Variants in PLD1 observed in about 807,000 individuals in gnomAD.
The protein encoded by PLD1 is phospholipase D1, also known as choline phosphatase 1.
A neutral mutation model predicts 137.1 loss-of-function variants in PLD1; 112 were observed. That is an observed-to-expected ratio of 0.82 (90% CI 0.70 to 0.96). The LOEUF (loss-of-function observed/expected upper bound fraction) is 0.96. Among genes scored for constraint, PLD1 ranks in the 40% least tolerant of loss-of-function variants. PLD1 has a pLI of 0.00. For synonymous variants in PLD1, 431 were observed against 454.7 expected, an observed-to-expected ratio of 0.95 and a Z score of 0.66; for missense variants, 1,321 against 1,342.0, an observed-to-expected ratio of 0.98 and a Z score of 0.24.
Position 171,659,321 on chromosome 3 carries a change from C to T in PLD1, c.2341-20G>A. 1 of 1,480,164 alleles carries T rather than the reference C, an allele frequency of 6.8e-7. No homozygotes were observed. The highest frequency in any genetic ancestry group is 9.5e-7 in the Non-Finnish European group (1 of 1,057,906). 91.7% of individuals were successfully genotyped at this position (1,480,164 alleles called of 1,614,324 possible). ...CTGGTTCTATGAGAAATAAACAAGA[C>T]AATCATGTTAGTCTTTATTTTCTTA... On this transcript the variant is annotated intron_variant, in intron 20 of 26. Transcript: ENST00000351298.
intron 18 of PLD1, among the ~76,000 whole-genome samples, chr3:171,675,875 C>T (rs1434236718): frequency 4.0e-5 from 6 of 149,404 alleles, no homozygotes; most frequent in African/African-American, 1.2e-4. Flanking sequence ...CAGAGTCTCG[C>T]TCTGTTGCCT....
At chr3:171,733,560 A>T (rs904144198) in intron 5 of PLD1, 51 bp from the exon 6 acceptor site, 5 of 735,526 alleles carry the variant, frequency 6.8e-6, no homozygotes, top group African/African-American at 3.6e-5. Flanking sequence ...ATTTATTTTT[A>T]AAAATTAAAC....
chr3:171,798,194 G>A (rs1416030730), intron 1 of PLD1, among the ~76,000 whole-genome samples: 2 of 152,178 alleles, frequency 1.3e-5, no homozygotes, highest in Non-Finnish European at 2.9e-5. Context: ...AGAACTAAAT[G>A]ATAAGGGAGT....
At chr3:171,658,111 C>T (rs1737365156) in intron 21 of PLD1, among the ~76,000 whole-genome samples, 1 of 151,862 alleles carries the variant, frequency 6.6e-6, no homozygotes, top group South Asian at 2.1e-4. Flanking sequence ...CAATGAAATA[C>T]CATTTCTTAA....
intron 24 of PLD1, among the ~76,000 whole-genome samples, chr3:171,617,493 G>A (rs190319028): frequency 6.6e-6 from 1 of 151,904 alleles, no homozygotes; most frequent in Non-Finnish European, 1.5e-5. Flanking sequence ...TTTTACTCAC[G>A]TTTCGCATCT....
chr3:171,801,927 A>T (rs1723665931), intron 1 of PLD1, among the ~76,000 whole-genome samples: 1 of 152,234 alleles, frequency 6.6e-6, no homozygotes, highest in African/African-American at 2.4e-5. Flanking sequence ...CAACTGAAAC[A>T]AGTTTTTGCA....
Position 171,696,956 on chromosome 3 carries a change from G to A in PLD1, c.1227+2789C>T, listed in dbSNP as rs1715751550. Among the ~76,000 whole-genome samples the A allele has an allele frequency of 2.6e-5, 4 of 152,154 alleles. No homozygotes were observed. In the South Asian group the frequency reaches 6.2e-4, roughly 24 times the overall value. On this transcript the variant is annotated intron_variant, in intron 12 of 26. Transcript: ENST00000351298. ...GGCCATGGTGTTCACGAGGGACCTC[G>A]CCAGGGTTCAAGGGCCAAAAAAGTA...
intron 1 of PLD1, among the ~76,000 whole-genome samples, chr3:171,755,101 A>G (rs1304466355): frequency 1.3e-5 from 2 of 152,146 alleles, no homozygotes; most frequent in African/African-American, 4.8e-5. Flanking sequence ...CCTGGGCCAC[A>G]CGAACTATCT....
chr3:171,695,381 A>G (rs2108529789), intron 12 of PLD1, among the ~76,000 whole-genome samples: 1 of 152,374 alleles, frequency 6.6e-6, no homozygotes, highest in East Asian at 1.9e-4. Context: ...GTAGAAAAAC[A>G]GATGGCCTGG....
At chr3:171,764,877 AAGAAAGAAAG>A (rs1721752853) in intron 1 of PLD1, among the ~76,000 whole-genome samples, 1 of 28,570 alleles carries the variant, frequency 3.5e-5, no homozygotes, top group Non-Finnish European at 7.8e-5. Context: ...GAAAGAAAGA[AAGAAAGAAAG>A]AAAGAAAGGA....
chr3:171,711,318 G>A lies in PLD1; in HGVS notation c.912-1609C>T, dbSNP rs141037538. Among the ~76,000 whole-genome samples the A allele has an allele frequency of 4.5e-3, 680 of 151,528 alleles. 2 individuals are homozygous for A. Among genetic ancestry groups the A allele is most frequent in the African/African-American group, 0.016 (650 of 41,252 alleles). On this transcript the variant is annotated intron_variant, in intron 9 of 26. Coordinates refer to ENST00000351298, the MANE Select transcript of PLD1 (RefSeq NM_002662.5). ...CCTAAGTAGCTGGGACTACAGGCGCGCACCATCATGCCTGGCTAATTTTTG... is the reference window on the plus strand; with the variant it reads ...CCTAAGTAGCTGGGACTACAGGCGCACACCATCATGCCTGGCTAATTTTTG...
In PLD1 at chr3:171,685,433, G is replaced by T. The variant is rs573260598; in HGVS notation, c.1867+1252C>A. On this transcript the variant is annotated intron_variant, in intron 16 of 26. Coordinates refer to ENST00000351298, the MANE Select transcript of PLD1 (RefSeq NM_002662.5). Reference sequence around the variant, plus strand: ...GCATAACATAGTAATCTTTATTTCTGCTAAATCACAGGTCTTAATTATGGG... The same window carrying T: ...GCATAACATAGTAATCTTTATTTCTTCTAAATCACAGGTCTTAATTATGGG... Among the ~76,000 whole-genome samples, 9 of 152,276 alleles carry T rather than the reference G, an allele frequency of 5.9e-5. No individual in the cohort carries two copies. The South Asian group carries it at 1.9e-3, about 32-fold the overall frequency.
intron 1 of PLD1, among the ~76,000 whole-genome samples, chr3:171,745,667 CA>C (rs1433840719): frequency 4.6e-5 from 7 of 152,204 alleles, no homozygotes; most frequent in African/African-American, 9.7e-5. Context: ...AGTTGTACAT[CA>C]GGGGGGTAAG....
Position 171,692,383 on chromosome 3 carries a change from G to A in PLD1, c.1287C>T (p.Ile429=), listed in dbSNP as rs1242564906. The A allele has an allele frequency of 6.2e-7, 1 of 1,603,878 alleles. No homozygotes were observed. Among genetic ancestry groups the A allele is most frequent in the Non-Finnish European group, 8.5e-7 (1 of 1,170,672 alleles). The change falls in exon 13 of 27, where the codon ATC becomes ATT. Residue 429 remains isoleucine (I), a synonymous_variant. Coordinates refer to ENST00000351298, the MANE Select transcript of PLD1 (RefSeq NM_002662.5). ...AAGTCCTCTTGGTGTATTCACTATT[G>A]ATGCCAAGAGCGAGTTCCACCTCTT... The part of the protein sequence containing the change: ...LYKEVELALG[I]NSEYTKRTLM...
At chr3:171,772,236 C>T (rs1247970695) in intron 1 of PLD1, among the ~76,000 whole-genome samples, 2 of 152,138 alleles carry the variant, frequency 1.3e-5, no homozygotes, top group African/African-American at 4.8e-5. Flanking sequence ...TGGCTTGTTG[C>T]CATGATTTGT....
At chr3:171,662,266 CTGAA>C in intron 19 of PLD1, 96 bp from the exon 20 acceptor site, 1 of 701,864 alleles carries the variant, frequency 1.4e-6, no homozygotes, top group Non-Finnish European at 2.5e-6. Flanking sequence ...TTCCAGACGA[CTGAA>C]TGATTACAGT....
chr3:171,641,731 T>C (rs928158296), intron 23 of PLD1, among the ~76,000 whole-genome samples: 28 of 152,114 alleles, frequency 1.8e-4, no homozygotes, highest in African/African-American at 6.5e-4. Flanking sequence ...CTCATAATCT[T>C]ACCCACACAT....
At chr3:171,623,449 G>A (rs1307399890) in intron 23 of PLD1, among the ~76,000 whole-genome samples, 2 of 149,904 alleles carry the variant, frequency 1.3e-5, no homozygotes, top group African/African-American at 2.5e-5. Flanking sequence ...CAAGTAGCTG[G>A]GACTACAGGC....
chr3:171,717,625 G>C (rs1717776297), intron 8 of PLD1, among the ~76,000 whole-genome samples: 1 of 152,082 alleles, frequency 6.6e-6, no homozygotes, highest in African/African-American at 2.4e-5. Context: ...GGAGTTTTTG[G>C]GCAAAGACTG....
Sources: gnomAD v4.1 joint callset for allele counts (sites outside exome capture counted in the v4.1 genomes callset) on GRCh38, gnomAD v4.1.1 for gene constraint, MANE v1.5 for transcripts, NCBI Gene and HGNC (gene_info 2026-07-23, HGNC 2026-07-21) for gene names.